The following POLR2B variants were observed in gnomAD, a reference collection of about 807,000 sequenced individuals.
POLR2B encodes the protein DNA-directed RNA polymerase II subunit RPB2.
POLR2B carries 57 observed loss-of-function variants against 144.6 expected under a neutral mutation model. The ratio of observed to expected loss-of-function variants is 0.39; its 90% CI spans 0.32 to 0.49. The LOEUF (loss-of-function observed/expected upper bound fraction) is 0.49. POLR2B is among the 20% of genes least tolerant of loss of function. POLR2B has a pLI of 0.83. For missense variants in POLR2B, 595 were observed against 1,467.4 expected (o/e 0.41, Z 9.71); for synonymous variants, 442 against 469.8 (o/e 0.94, Z 0.77).
At chr4:57,008,884 G>A (rs1010036341) in intron 10 of POLR2B, among the ~76,000 whole-genome samples, 11 of 152,148 alleles carry the variant, frequency 7.2e-5, no homozygotes, top group Admixed American at 3.9e-4. Context: ...TGTGTCTGTC[G>A]GGGGAGCTAG....
chr4:57,004,767 C>T (rs1424131481), intron 7 of POLR2B, among the ~76,000 whole-genome samples: 1 of 152,214 alleles, frequency 6.6e-6, no homozygotes, highest in Non-Finnish European at 1.5e-5. Flanking sequence ...TCACTGCATC[C>T]TCTGCCTCCC....
At chr4:57,028,024 C>T (rs761095290) in intron 23 of POLR2B, among the ~76,000 whole-genome samples, 10 of 152,134 alleles carry the variant, frequency 6.6e-5, no homozygotes, top group Non-Finnish European at 1.0e-4. Flanking sequence ...AATTATTTTC[C>T]TCAAAGACTT....
At chr4:57,019,749 C>G (rs935418922) in intron 16 of POLR2B, among the ~76,000 whole-genome samples, 1 of 135,776 alleles carries the variant, frequency 7.4e-6, no homozygotes, top group Non-Finnish European at 1.5e-5. Flanking sequence ...GCCAGTTGTC[C>G]TAATGATGTC....
intron 7 of POLR2B, among the ~76,000 whole-genome samples, chr4:57,001,106 G>T (rs1377340361): frequency 6.6e-6 from 1 of 152,188 alleles, no homozygotes; most frequent in African/African-American, 2.4e-5. Context: ...ATAGTTCAGA[G>T]TTCAATTCAG....
chr4:57,021,340 G>A (rs1354867645), intron 17 of POLR2B, among the ~76,000 whole-genome samples: 4 of 151,908 alleles, frequency 2.6e-5, no homozygotes, highest in East Asian at 1.9e-4. Context: ...TTTGATTGTC[G>A]ACAAACAGAC....
intron 7 of POLR2B, 63 bp downstream of exon 7, chr4:56,999,844 C>A: frequency 1.7e-6 from 2 of 1,182,994 alleles, no homozygotes; most frequent in Non-Finnish European, 1.2e-6. Flanking sequence ...CTGATTGTTG[C>A]TAACCTTAAA....
intron 7 of POLR2B, among the ~76,000 whole-genome samples, chr4:57,003,427 C>CA (rs1473505681): frequency 1.4e-5 from 2 of 144,404 alleles, no homozygotes; most frequent in African/African-American, 2.6e-5. Context: ...AAGACTGTCT[C>CA]AAAAAAAATA....
rs1404392363 is a variant in POLR2B at position 57,017,985 on chromosome 4, G to A, written c.2323+257G>A. On this transcript the variant is annotated intron_variant, in intron 16 of 24. Transcript: ENST00000314595. This position sits in a 1 kb window ranked among gnomAD's most constrained non-coding sequence, Gnocchi z 4.8. ...AGTCTAGATCCAGTTTCATGGAGAAGGTGGCATTTTAGATTGGAGCAAAAT... is the reference window on the plus strand; with the variant it reads ...AGTCTAGATCCAGTTTCATGGAGAAAGTGGCATTTTAGATTGGAGCAAAAT... 4.6e-5 allele frequency among the ~76,000 whole-genome samples: 7 copies of A among 152,172 alleles called. No individual in the cohort carries two copies. The highest frequency in any genetic ancestry group is 3.2e-3 in the Middle Eastern group (1 of 316).
intron 6 of POLR2B, among the ~76,000 whole-genome samples, chr4:56,998,583 G>C (rs1181927806): frequency 6.6e-6 from 1 of 151,686 alleles, no homozygotes; most frequent in Non-Finnish European, 1.5e-5. Context: ...GTCTTGAAAT[G>C]CTGGGCTCAA....
Position 56,990,770 on chromosome 4 carries a change from T to A in POLR2B, c.115T>A (p.Leu39Met). 1 of 1,610,218 alleles carries A rather than the reference T, an allele frequency of 6.2e-7. No individual in the cohort carries two copies. Among genetic ancestry groups the A allele is most frequent in the Non-Finnish European group, 8.5e-7 (1 of 1,178,802 alleles). The change falls in exon 3 of 25, where the codon TTG (leucine) becomes ATG (methionine). Residue 39 changes from leucine to methionine, a missense_variant. This residue lies in a region of POLR2B where 251 missense variants were observed against 567.3 expected (regional missense o/e 0.44). Transcript: ENST00000314595. ...CAGTTCCTATTTTGACGAGAAAGGC[T>A]TGGTTAGACAACAGCTGGATTCTTT... ...VISSYFDEKGLVRQQLDSFDE... is the reference protein window; with the variant it reads ...VISSYFDEKGMVRQQLDSFDE...
intron 13 of POLR2B, among the ~76,000 whole-genome samples, chr4:57,013,115 A>G (rs1200129695): frequency 6.6e-6 from 1 of 152,158 alleles, no homozygotes. Flanking sequence ...TGCTGGGATT[A>G]TAGACGTGAG....
chr4:56,992,729 T>C (rs1044685213), intron 3 of POLR2B, among the ~76,000 whole-genome samples: 9 of 150,940 alleles, frequency 6.0e-5, no homozygotes, highest in Admixed American at 2.6e-4. Flanking sequence ...CCGGCTATTA[T>C]TTTTTTGTAT....
At chr4:56,981,169 A>G (rs1045534866) in intron 1 of POLR2B, among the ~76,000 whole-genome samples, 9 of 152,020 alleles carry the variant, frequency 5.9e-5, no homozygotes, top group Non-Finnish European at 1.2e-4. Flanking sequence ...AAAGACAGTA[A>G]TATTCACACT....
chr4:57,010,318 C>A (rs1055714795), intron 10 of POLR2B, 43 bp from the exon 11 acceptor site: 18 of 1,588,454 alleles, frequency 1.1e-5, no homozygotes, highest in Non-Finnish European at 1.6e-5. Context: ...TAGTATGAAT[C>A]ACAGAAATGT....
At chr4:57,013,461 T>C (rs1390005437) in intron 13 of POLR2B, among the ~76,000 whole-genome samples, 1 of 152,212 alleles carries the variant, frequency 6.6e-6, no homozygotes, top group East Asian at 1.9e-4. Flanking sequence ...CCAGTTGGTC[T>C]TGAACTCCTG....
chr4:57,011,420 C>T (rs982894783), intron 13 of POLR2B, among the ~76,000 whole-genome samples: 4 of 152,218 alleles, frequency 2.6e-5, no homozygotes, highest in Admixed American at 1.3e-4. Context: ...CGCAGCTACT[C>T]GGGAGGCTGA....
chr4:57,025,308 A>G (rs1723678035), intron 22 of POLR2B, 69 bp from the exon 23 acceptor site: 1 of 1,074,394 alleles, frequency 9.3e-7, no homozygotes, highest in Middle Eastern at 2.0e-4. Context: ...GTAACACAAT[A>G]TATACACATA....
intron 3 of POLR2B, among the ~76,000 whole-genome samples, chr4:56,993,924 A>G (rs1484090204): frequency 6.6e-6 from 1 of 152,208 alleles, no homozygotes; most frequent in African/African-American, 2.4e-5. Flanking sequence ...GATGATGCTT[A>G]CCAAGGAGAG....
At chr4:57,013,537 ATTTTTTTTTCT>A (rs1419630370) in intron 13 of POLR2B, among the ~76,000 whole-genome samples, 1 of 111,616 alleles carries the variant, frequency 9.0e-6, no homozygotes, top group Non-Finnish European at 1.8e-5. Context: ...GGTTGGCTGT[ATTTTTTTTTCT>A]TTTTTTTTTG....
Sources: gnomAD v4.1 joint callset for allele counts (sites outside exome capture counted in the v4.1 genomes callset) on GRCh38, gnomAD v4.1.1 for gene constraint, gnomAD v4.1.1 regional missense constraint, Gnocchi (gnomAD v3.1) non-coding constraint, MANE v1.5 for transcripts, NCBI Gene and HGNC (gene_info 2026-07-23, HGNC 2026-07-21) for gene names.